The following GRIK2 variants were observed in gnomAD, a reference collection of about 807,000 sequenced individuals.
The protein encoded by GRIK2 is glutamate ionotropic receptor kainate type subunit 2, also known as glutamate receptor ionotropic, kainate 2.
In GRIK2, 32 loss-of-function variants were observed where a neutral mutation model predicts 100.3. That is an observed-to-expected ratio of 0.32 (90% CI 0.24 to 0.43). The LOEUF (loss-of-function observed/expected upper bound fraction) is 0.43. Among genes scored for constraint, GRIK2 ranks in the 20% least tolerant of loss-of-function variants. The pLI, the probability that GRIK2 is intolerant of heterozygous loss-of-function variation, is 1.00. For synonymous variants in GRIK2, 417 were observed against 389.4 expected, an observed-to-expected ratio of 1.07 and a Z score of -0.83; for missense variants, 843 against 1,114.9, an observed-to-expected ratio of 0.76 and a Z score of 3.47.
chr6:101,703,537 G>A (rs1194363531), intron 7 of GRIK2, among the ~76,000 whole-genome samples: 1 of 151,684 alleles, frequency 6.6e-6, no homozygotes, highest in Non-Finnish European at 1.5e-5. Flanking sequence ...AAGCTAAGCT[G>A]GACTGTATTG....
chr6:102,046,308 C>G (rs1770883709), intron 15 of GRIK2, among the ~76,000 whole-genome samples: 1 of 151,948 alleles, frequency 6.6e-6, no homozygotes, highest in Non-Finnish European at 1.5e-5. Context: ...TGGGCTTGAA[C>G]TGCACTTTTG....
chr6:101,463,120 A>C (rs11965086), intron 2 of GRIK2, among the ~76,000 whole-genome samples: 5 of 152,200 alleles, frequency 3.3e-5, no homozygotes, highest in African/African-American at 7.2e-5. Flanking sequence ...AATTTGAATT[A>C]AGTGGAGCAA....
At chr6:101,421,209 A>C (rs1396815975) in intron 2 of GRIK2, among the ~76,000 whole-genome samples, 2 of 152,170 alleles carry the variant, frequency 1.3e-5, no homozygotes, top group Non-Finnish European at 2.9e-5. Flanking sequence ...ATCTGCTGCT[A>C]CCTTCTGCTC....
chr6:101,453,770 A>C (rs1770844010), intron 2 of GRIK2, among the ~76,000 whole-genome samples: 1 of 152,026 alleles, frequency 6.6e-6, no homozygotes. Flanking sequence ...CATGTGCTTT[A>C]TGTCTGTACC....
At position 101,407,193 on chromosome 6, in the gene GRIK2, A is replaced by G. The variant is rs190087007; in HGVS notation, c.115+7801A>G. The stretch of plus-strand genomic sequence containing the variant: ...TTCTGAAGCTTCCTGCATTCAATTC[A>G]TCATAGATTTTAGTACATTCGGGTC... On this transcript the variant is annotated intron_variant, in intron 2 of 16. Coordinates refer to ENST00000369134, the MANE Select transcript of GRIK2 (RefSeq NM_021956.5). Among the ~76,000 whole-genome samples the G allele has an allele frequency of 1.4e-4, 22 of 152,204 alleles. No individual in the cohort carries two copies. The East Asian group carries it at 3.5e-3, about 24-fold the overall frequency.
intron 12 of GRIK2, among the ~76,000 whole-genome samples, chr6:101,918,002 G>C (rs1277742336): frequency 6.6e-6 from 1 of 151,524 alleles, no homozygotes; most frequent in African/African-American, 2.4e-5. Context: ...AATGTGAAAA[G>C]CTATTTATTT....
chr6:101,806,685 A>G lies in GRIK2; in HGVS notation c.1203+4247A>G, dbSNP rs1167624533. The stretch of plus-strand genomic sequence containing the variant: ...AAGTTTTCTTATCACTTTGGCATAG[A>G]GTAATAGAAACAGTTTTCCCAGCCA... On this transcript the variant is annotated intron_variant, in intron 9 of 16. Transcript: ENST00000369134. Among the ~76,000 whole-genome samples the G allele has an allele frequency of 2.0e-5, 3 of 150,638 alleles. No individual in the cohort carries two copies. In the East Asian group the frequency reaches 6.0e-4, roughly 30 times the overall value.
intron 14 of GRIK2, among the ~76,000 whole-genome samples, chr6:102,018,206 GC>G (rs1769223520): frequency 6.6e-6 from 1 of 152,022 alleles, no homozygotes; most frequent in African/African-American, 2.4e-5. Flanking sequence ...TAGATCTCAG[GC>G]TTTTGGTGAG....
chr6:101,730,230 G>C (rs968260571), intron 7 of GRIK2, among the ~76,000 whole-genome samples: 2 of 151,884 alleles, frequency 1.3e-5, no homozygotes, highest in African/African-American at 4.8e-5. Context: ...TTAAAGAGTA[G>C]ACTAAATCAA....
chr6:101,748,881 G>A (rs904041921), intron 7 of GRIK2, among the ~76,000 whole-genome samples: 97 of 152,106 alleles, frequency 6.4e-4, no homozygotes, highest in African/African-American at 2.2e-3. Context: ...AGAAGACATT[G>A]GCTTAGAAAA....
intron 2 of GRIK2, among the ~76,000 whole-genome samples, chr6:101,443,090 T>C (rs1443129298): frequency 6.6e-6 from 1 of 152,128 alleles, no homozygotes; most frequent in African/African-American, 2.4e-5. Flanking sequence ...CACAGAATGA[T>C]CACCTTGAGA....
intron 12 of GRIK2, among the ~76,000 whole-genome samples, chr6:101,891,282 GC>G (rs1395965349): frequency 6.6e-6 from 1 of 151,832 alleles, no homozygotes; most frequent in Admixed American, 6.6e-5. Context: ...ACTTTGGGAG[GC>G]CAAGGCGGGC....
chr6:101,934,709 T>C (rs1303713367), intron 14 of GRIK2, among the ~76,000 whole-genome samples: 1 of 151,932 alleles, frequency 6.6e-6, no homozygotes, highest in Non-Finnish European at 1.5e-5. Flanking sequence ...TGTTGTCCGT[T>C]TTTATTTAGA....
chr6:102,005,536 T>C (rs1795169654), intron 14 of GRIK2, among the ~76,000 whole-genome samples: 1 of 152,044 alleles, frequency 6.6e-6, no homozygotes, highest in African/African-American at 2.4e-5. Flanking sequence ...AATCTCTTTA[T>C]TGGCCTTCCT....
chr6:101,926,534 G>A (rs1477597205), intron 13 of GRIK2, among the ~76,000 whole-genome samples: 1 of 152,030 alleles, frequency 6.6e-6, no homozygotes, highest in Non-Finnish European at 1.5e-5. Flanking sequence ...TATGCTCATA[G>A]GACAAACTTG....
At chr6:101,595,759 C>T (rs911616350) in intron 2 of GRIK2, among the ~76,000 whole-genome samples, 2 of 140,378 alleles carry the variant, frequency 1.4e-5, no homozygotes, top group East Asian at 2.1e-4. Context: ...CATATAAATG[C>T]TAGAAGTCAT....
At chr6:102,005,019 T>A (rs981831647) in intron 14 of GRIK2, among the ~76,000 whole-genome samples, 1 of 151,836 alleles carries the variant, frequency 6.6e-6, no homozygotes, top group African/African-American at 2.4e-5. Flanking sequence ...TTAATACTCT[T>A]GTCAAGAAAT....
intron 2 of GRIK2, among the ~76,000 whole-genome samples, chr6:101,472,270 G>A (rs1481719314): frequency 6.6e-6 from 1 of 151,682 alleles, no homozygotes; most frequent in Non-Finnish European, 1.5e-5. Flanking sequence ...CATTTTCAAA[G>A]ATGTCCTTTC....
intron 2 of GRIK2, among the ~76,000 whole-genome samples, chr6:101,544,427 TA>T (rs1311964831): frequency 1.3e-5 from 2 of 152,184 alleles, no homozygotes; most frequent in Non-Finnish European, 2.9e-5. Context: ...GCCTTCTGTG[TA>T]CCCCGGGGGA....
Sources: gnomAD v4.1 joint callset for allele counts (sites outside exome capture counted in the v4.1 genomes callset) on GRCh38, gnomAD v4.1.1 for gene constraint, MANE v1.5 for transcripts, NCBI Gene and HGNC (gene_info 2026-07-23, HGNC 2026-07-21) for gene names.